IFT20: variants seen among roughly 807,000 people sequenced by gnomAD.
IFT20 encodes intraflagellar transport 20.
Under a neutral mutation model 16.9 loss-of-function variants are expected in IFT20, and 4 were observed. The observed-to-expected ratio is 0.24, with a 90% CI of 0.12 to 0.54. The LOEUF (loss-of-function observed/expected upper bound fraction) is 0.54. Ranked by LOEUF, IFT20 falls within the 20% of genes least tolerant of loss-of-function variation. The probability of loss-of-function intolerance (pLI) is 0.95; values close to 1 mark genes in which losing one functional copy is unlikely to be tolerated. For missense variants in IFT20, 154 were observed against 149.7 expected (o/e 1.03, Z -0.15); for synonymous variants, 48 against 49.9 (o/e 0.96, Z 0.16).
chr17:28,332,821 A>G (rs1555576793), intron 1 of IFT20: 1 of 152,626 alleles, frequency 6.6e-6, no homozygotes, highest in African/African-American at 2.4e-5. Flanking sequence ...AGCATGGACA[A>G]AGGCCTGAAG....
At chr17:28,334,726 T>C (rs923927726) in intron 1 of IFT20, among the ~76,000 whole-genome samples, 2 of 152,228 alleles carry the variant, frequency 1.3e-5, no homozygotes, top group African/African-American at 4.8e-5. Context: ...CAGGAGACTA[T>C]TGCAGTAACC....
rs781809757 is a variant in IFT20, at chr17:28,328,736, G to GA, written c.318-4dup. The GA allele has an allele frequency of 1.3e-6, 2 of 1,573,204 alleles. No individual in the cohort carries two copies. Among genetic ancestry groups the GA allele is most frequent in the Admixed American group, 1.8e-5 (1 of 54,696 alleles). ...AAGCTTCATATTCAACCCGATACCT[G>GA]AAAAACAAAATTGTTAGAGGCCCTG... On this transcript the variant is annotated splice_region_variant and splice_polypyrimidine_tract_variant and intron_variant, in intron 4 of 4. Transcript: ENST00000395418.
At chr17:28,333,313 T>C (rs1481324264) in intron 1 of IFT20, among the ~76,000 whole-genome samples, 1 of 152,194 alleles carries the variant, frequency 6.6e-6, no homozygotes, top group Non-Finnish European at 1.5e-5. Context: ...CTGTTCTGAA[T>C]GGGGTGATTC....
At position 28,328,743 on chromosome 17, in the gene IFT20, A is replaced by G. The variant is rs781876579; in HGVS notation, c.318-10T>C. 7 of 1,546,882 alleles carry G rather than the reference A, an allele frequency of 4.5e-6. No homozygotes were observed. Among genetic ancestry groups the G allele is most frequent in the Non-Finnish European group, 5.3e-6 (6 of 1,128,750 alleles). Reference sequence around the variant, plus strand: ...ATATTCAACCCGATACCTGAAAAACAAAATTGTTAGAGGCCCTGAAAAAAA... The same window carrying G: ...ATATTCAACCCGATACCTGAAAAACGAAATTGTTAGAGGCCCTGAAAAAAA... On this transcript the variant is annotated splice_polypyrimidine_tract_variant and intron_variant, in intron 4 of 4. Coordinates refer to ENST00000395418, the MANE Select transcript of IFT20 (RefSeq NM_001267776.2).
At chr17:28,329,994 A>G in intron 3 of IFT20, 1 of 433,220 alleles carries the variant, frequency 2.3e-6, no homozygotes, top group Non-Finnish European at 4.1e-6. Flanking sequence ...CAGGAGGCGG[A>G]GGTTGCAGTG....
chr17:28,329,153 T>G lies in IFT20; in HGVS notation c.317+20A>C, dbSNP rs1555576023. The G allele has an allele frequency of 5.1e-6, 8 of 1,565,604 alleles. No homozygotes were observed. The highest frequency in any genetic ancestry group is 7.0e-6 in the Non-Finnish European group (8 of 1,136,478). On this transcript the variant is annotated intron_variant, in intron 4 of 4. Coordinates refer to ENST00000395418, the MANE Select transcript of IFT20 (RefSeq NM_001267776.2). ...AAATTCAGCTGTGTAAAGAACTTGC[T>G]TTACATCATGACTTCTTACCTTTCT...
At chr17:28,329,778 A>C (rs1228122124) in intron 3 of IFT20, 2 of 168,538 alleles carry the variant, frequency 1.2e-5, no homozygotes, top group African/African-American at 4.8e-5. Context: ...ATACAAAAAA[A>C]TGGCCGGGCG....
intron 3 of IFT20, chr17:28,330,053 C>G: frequency 1.9e-6 from 1 of 515,730 alleles, no homozygotes; most frequent in Non-Finnish European, 3.4e-6. Context: ...AGAGAAAACT[C>G]CGTCTCAAAA....
At chr17:28,333,085 A>ACG (rs1262240222) in intron 1 of IFT20, among the ~76,000 whole-genome samples, 139 of 143,332 alleles carry the variant, frequency 9.7e-4, no homozygotes, top group African/African-American at 3.9e-3. Flanking sequence ...ACACACACAC[A>ACG]CACACACACA....
intron 2 of IFT20, 49 bp from the exon 3 acceptor site, chr17:28,330,577 C>T (rs782635370): frequency 7.2e-6 from 9 of 1,248,970 alleles, no homozygotes; most frequent in Non-Finnish European, 9.4e-6. Flanking sequence ...TATCATCACT[C>T]CCCTTCGGTA....
At position 28,330,661 on chromosome 17, in the gene IFT20, G is replaced by C. The variant is rs578114960; in HGVS notation, c.128-133C>G. The C allele has an allele frequency of 8.7e-5, 57 of 655,320 alleles. No homozygotes were observed. In the African/African-American group the frequency reaches 9.5e-4, roughly 11 times the overall value. The allele number at this position is 655,320 out of a possible 1,614,324, so 40.6% of individuals were successfully genotyped here. On this transcript the variant is annotated intron_variant, in intron 2 of 4. Transcript: ENST00000395418. Reference sequence around the variant, plus strand: ...TGTTAAAATAGTTCGGTGTGGGCCAGGCGTGGTGGAGAGCAACTGTAGTCC... The same window carrying C: ...TGTTAAAATAGTTCGGTGTGGGCCACGCGTGGTGGAGAGCAACTGTAGTCC...
chr17:28,332,514 C>G (rs1906856920), intron 1 of IFT20: 3 of 293,654 alleles, frequency 1.0e-5, no homozygotes, highest in Admixed American at 9.6e-5. Flanking sequence ...TGTAAGCCAT[C>G]AGTGTATTTA....
At chr17:28,334,044 C>G (rs959886786) in intron 1 of IFT20, among the ~76,000 whole-genome samples, 2 of 152,204 alleles carry the variant, frequency 1.3e-5, no homozygotes, top group African/African-American at 2.4e-5. Context: ...ACTTCCACCC[C>G]CTTCCCTGAG....
Position 28,331,907 on chromosome 17 carries a change from T to C in IFT20, c.79A>G (p.Thr27Ala). 6.2e-7 allele frequency: 1 copy of C among 1,614,246 alleles called. No individual in the cohort carries two copies. The highest frequency in any genetic ancestry group is 8.5e-7 in the Non-Finnish European group (1 of 1,180,046). The change falls in exon 2 of 5, where the codon ACC becomes GCC. Residue 27 changes from threonine to alanine, a missense_variant. Thr to Ala is a moderately conservative substitution (Grantham distance 58, BLOSUM62 0). Transcript: ENST00000395418. ...TCCTTCAGCTCTATGGTCTGCTGGG[T>C]AACCTCTGGGTCCAACACCCTCAGC... The part of the protein sequence containing the change: ...NKLRVLDPEV[T>A]QQTIELKEEC...
At chr17:28,332,148 G>C (rs1555576664) in intron 1 of IFT20, 161 bp from the exon 2 acceptor site, 1 of 1,547,932 alleles carries the variant, frequency 6.5e-7, no homozygotes, top group Admixed American at 1.9e-5. Flanking sequence ...AGCCTCACCT[G>C]TTTCCCATCC....
intron 4 of IFT20, 73 bp downstream of exon 4, chr17:28,329,100 G>T (rs782503315): frequency 3.0e-6 from 3 of 998,380 alleles, no homozygotes; most frequent in Non-Finnish European, 4.8e-6. Context: ...ATAAGGACAA[G>T]AAGTGATCAT....
Position 28,329,260 on chromosome 17 carries a change from T to A in IFT20, c.230A>T (p.Asn77Ile), listed in dbSNP as rs1226389746. 6.2e-7 allele frequency: 1 copy of A among 1,614,036 alleles called. No homozygotes were observed. The highest frequency in any genetic ancestry group is 1.3e-5 in the African/African-American group (1 of 75,058). Residue 77 changes from asparagine (N) to isoleucine (I), a missense_variant, in exon 4 of 5, where the codon AAC becomes ATC. Transcript: ENST00000395418. ...CTGCTTTGCTATAGATTTGAGCAAG[T>A]TCCGAGCACCGATGGCCTACAGTAT... ...NEKMKAIGAR[N>I]LLKSIAKQRE...
chr17:28,328,812 G>A, intron 4 of IFT20, 79 bp from the exon 5 acceptor site: 1 of 888,682 alleles, frequency 1.1e-6, no homozygotes, highest in East Asian at 2.4e-5. Context: ...GAAGGATATA[G>A]AGGTTTAAAT....
chr17:28,333,072 A>AAAACACACACAC (rs1555576831), intron 1 of IFT20, among the ~76,000 whole-genome samples: 2 of 144,478 alleles, frequency 1.4e-5, no homozygotes, highest in African/African-American at 5.2e-5. Flanking sequence ...TCTGGCTCAA[A>AAAACACACACAC]ACACACACAC....
Sources: allele counts gnomAD v4.1 joint callset (sites outside exome capture counted in the v4.1 genomes callset), GRCh38; gene constraint gnomAD v4.1.1; transcripts MANE v1.5; gene names NCBI Gene and HGNC (gene_info 2026-07-23, HGNC 2026-07-21).